The following DNAJB1 variants were observed in gnomAD, a reference collection of about 807,000 sequenced individuals.
DNAJB1 encodes the protein DnaJ heat shock protein family (Hsp40) member B1, also known as dnaJ homolog subfamily B member 1.
Under a neutral mutation model 24.0 loss-of-function variants are expected in DNAJB1, and 14 were observed. That is an observed-to-expected ratio of 0.58 (90% CI 0.39 to 0.91). DNAJB1 has a LOEUF of 0.91. DNAJB1 is among the 40% of genes least tolerant of loss of function. DNAJB1 has a pLI of 0.00. For missense variants in DNAJB1, 517 were observed against 458.1 expected, an observed-to-expected ratio of 1.13 and a Z score of -1.17; for synonymous variants, 262 against 174.4, an observed-to-expected ratio of 1.50 and a Z score of -3.96.
chr19:14,535,941 C>T (rs570267087), intron 1 of DNAJB1, among the ~76,000 whole-genome samples: 1 of 152,036 alleles, frequency 6.6e-6, no homozygotes, highest in Admixed American at 6.6e-5. Context: ...GCAGATTCTC[C>T]TGGTGGAGTC....
intron 1 of DNAJB1, among the ~76,000 whole-genome samples, chr19:14,543,226 C>G (rs1039369010): frequency 3.6e-5 from 5 of 139,248 alleles, no homozygotes; most frequent in African/African-American, 1.4e-4. Flanking sequence ...AGGAGGTGGG[C>G]AGATGGGTGG....
chr19:14,520,061 A>G (rs767863563), upstream of DNAJB1, among the ~76,000 whole-genome samples: 17 of 152,126 alleles, frequency 1.1e-4, no homozygotes, highest in Non-Finnish European at 2.1e-4. Flanking sequence ...GTTAGTTACT[A>G]GGCCTTTGCT....
upstream of DNAJB1, chr19:14,530,487 G>A (rs2072596118): frequency 6.6e-6 from 1 of 152,150 alleles, no homozygotes; most frequent in South Asian, 2.1e-4. Flanking sequence ...AATAAAATTT[G>A]TTATTAAAAT....
upstream of DNAJB1, chr19:14,529,520 A>T: frequency 4.8e-6 from 4 of 825,032 alleles, no homozygotes; most frequent in Non-Finnish European, 6.2e-6. Flanking sequence ...GCAGGGGCGA[A>T]CGTGGGCGCC....
Position 14,516,535 on chromosome 19 carries a change from G to C in DNAJB1, c.723C>G (p.Asp241Glu). ...IPADIVFVLK[D>E]KPHNIFKRDG... ...CTCTCTTAAAGATATTGTGGGGCTT[G>C]TCCTTTAAAACAAAGACGATATCAG... The change falls in exon 2 of 3, where the codon GAC becomes GAG. Residue 241 changes from aspartate (D) to glutamate (E), a missense_variant. Asp to Glu is a conservative substitution (Grantham distance 45). Transcript: ENST00000254322. The C allele has an allele frequency of 6.2e-7, 1 of 1,614,218 alleles. No individual in the cohort carries two copies.
intron 2 of DNAJB1, 33 bp downstream of exon 2, chr19:14,516,433 C>T (rs2072263141): frequency 3.8e-6 from 6 of 1,596,640 alleles, no homozygotes; most frequent in Non-Finnish European, 5.1e-6. Context: ...CAGCCATCGC[C>T]CTCTACAGAC....
chr19:14,543,419 A>ATTT (rs1169742953), intron 1 of DNAJB1, among the ~76,000 whole-genome samples: 1 of 21,892 alleles, frequency 4.6e-5, no homozygotes, highest in African/African-American at 2.4e-4. Context: ...ATATATATAT[A>ATTT]TTTTTTTTTT....
intron 1 of DNAJB1, among the ~76,000 whole-genome samples, chr19:14,539,748 A>G (rs894958975): frequency 6.6e-5 from 10 of 151,908 alleles, no homozygotes; most frequent in African/African-American, 2.4e-4. Context: ...CGTGTTACCG[A>G]GCGCTCAGCT....
rs368987561 is a variant in DNAJB1 at position 14,555,385 on chromosome 19, A to C, written c.-2165-1067T>G. 5.0e-5 allele frequency among the ~76,000 whole-genome samples: 7 copies of C among 141,236 alleles called. No individual in the cohort carries two copies. The East Asian group carries it at 1.6e-3, about 32-fold the overall frequency. The allele number at this position is 141,236 out of a possible 152,430, so 92.7% of individuals were successfully genotyped here. ...TGCCTCAGCCTCCTGAGTAGCTGGGATTACAGGTGCCCACTGCCATGCCCA... is the reference window on the plus strand; with the variant it reads ...TGCCTCAGCCTCCTGAGTAGCTGGGCTTACAGGTGCCCACTGCCATGCCCA... On this transcript the variant is annotated intron_variant, in intron 1 of 5. Coordinates refer to the DNAJB1 transcript ENST00000679223.
chr19:14,528,274 C>G (rs2072478250), intron 1 of DNAJB1, among the ~76,000 whole-genome samples: 1 of 144,656 alleles, frequency 6.9e-6, no homozygotes, highest in African/African-American at 2.6e-5. Flanking sequence ...TTGAGACGGT[C>G]TGTTGCTCAG....
At chr19:14,558,056 A>G (rs2073793331) in intron 1 of DNAJB1, among the ~76,000 whole-genome samples, 1 of 152,158 alleles carries the variant, frequency 6.6e-6, no homozygotes. Flanking sequence ...CGCCCGGCCT[A>G]TATTTATCCT....
chr19:14,556,048 C>G lies in DNAJB1; in HGVS notation c.-2165-1730G>C, dbSNP rs377550348. Among the ~76,000 whole-genome samples the G allele has an allele frequency of 1.4e-3, 215 of 152,292 alleles. 5 individuals carry two copies. In the South Asian group the frequency reaches 0.043, roughly 31 times the overall value. ...CTGCTCAAGAACCCTCTATGGCTGC[C>G]ACTTCACTCAGAGTAAAAGCTAACG... On this transcript the variant is annotated intron_variant, in intron 1 of 5. Coordinates refer to the DNAJB1 transcript ENST00000679223.
At chr19:14,517,354 C>T in intron 1 of DNAJB1, 1 of 329,244 alleles carries the variant, frequency 3.0e-6, no homozygotes, top group Non-Finnish European at 5.6e-6. Context: ...CAAGAGATGG[C>T]TAAAGACACA....
intron 1 of DNAJB1, among the ~76,000 whole-genome samples, chr19:14,542,345 G>GTTT (rs2073123375): frequency 1.6e-5 from 1 of 60,998 alleles, no homozygotes; most frequent in African/African-American, 5.2e-5. Flanking sequence ...TCATGCCATA[G>GTTT]TGTTTTTTTT....
chr19:14,521,389 G>T (rs2072357483), upstream of DNAJB1, among the ~76,000 whole-genome samples: 1 of 151,828 alleles, frequency 6.6e-6, no homozygotes, highest in Non-Finnish European at 1.5e-5. Flanking sequence ...AACCCGAGAG[G>T]CAGAGGTTGC....
upstream of DNAJB1, among the ~76,000 whole-genome samples, chr19:14,552,114 C>T (rs2073543532): frequency 6.6e-6 from 1 of 150,382 alleles, no homozygotes; most frequent in Non-Finnish European, 1.5e-5. Context: ...GCTGAGATTA[C>T]AGGCATGAGC....
intron 1 of DNAJB1, among the ~76,000 whole-genome samples, chr19:14,559,718 C>T (rs940790611): frequency 6.6e-6 from 1 of 151,312 alleles, no homozygotes; most frequent in Non-Finnish European, 1.5e-5. Context: ...ACCTGGGGGG[C>T]GGAGGTTGCA....
intron 1 of DNAJB1, among the ~76,000 whole-genome samples, chr19:14,542,975 G>C (rs2073151821): frequency 6.6e-6 from 1 of 151,376 alleles, no homozygotes; most frequent in Non-Finnish European, 1.5e-5. Flanking sequence ...CAGTCTCCTG[G>C]GTCCTTCCAA....
chr19:14,518,089 T>G (rs2072307727), intron 1 of DNAJB1, 50 bp downstream of exon 1: 2 of 1,401,198 alleles, frequency 1.4e-6, no homozygotes, highest in South Asian at 3.1e-5. Flanking sequence ...GTGCCTCAGT[T>G]TCCCTGTCTG....
Sources: gnomAD v4.1 joint callset for allele counts (sites outside exome capture counted in the v4.1 genomes callset) on GRCh38, gnomAD v4.1.1 for gene constraint, MANE v1.5 for transcripts, NCBI Gene and HGNC (gene_info 2026-07-23, HGNC 2026-07-21) for gene names.